Variants in KCNIP1 observed in about 807,000 individuals in gnomAD.
The protein encoded by KCNIP1 is A-type potassium channel modulatory protein KCNIP1.
In KCNIP1, 18 loss-of-function variants were observed where a neutral mutation model predicts 33.0. That is an observed-to-expected ratio of 0.55 (90% CI 0.38 to 0.81). The LOEUF (loss-of-function observed/expected upper bound fraction) is 0.81. Ranked by LOEUF, KCNIP1 falls within the 30% of genes least tolerant of loss-of-function variation. The pLI, the probability that KCNIP1 is intolerant of heterozygous loss-of-function variation, is 0.00. For missense variants in KCNIP1, 238 were observed against 271.6 expected, an observed-to-expected ratio of 0.88 and a Z score of 0.87; for synonymous variants, 93 against 98.3, an observed-to-expected ratio of 0.95 and a Z score of 0.32.
intron 1 of KCNIP1, among the ~76,000 whole-genome samples, chr5:170,603,100 A>G (rs1758762346): frequency 7.0e-6 from 1 of 143,610 alleles, no homozygotes; most frequent in East Asian, 2.4e-4. Flanking sequence ...GATCCCACCC[A>G]GGGATCCCAC....
rs75268519 is a variant in KCNIP1 at position 170,430,643 on chromosome 5, C to T, written c.88+76679C>T. On this transcript the variant is annotated intron_variant, in intron 1 of 7. Coordinates refer to the KCNIP1 transcript ENST00000377360. Reference sequence around the variant, plus strand: ...TCAAGGATGGGAACGTCCTCATTTCCCATCATTTAGGAAGTGCTTGCTAAA... The same window carrying T: ...TCAAGGATGGGAACGTCCTCATTTCTCATCATTTAGGAAGTGCTTGCTAAA... Among the ~76,000 whole-genome samples, 343 of 152,262 alleles carry T rather than the reference C, an allele frequency of 2.3e-3. 8 individuals carry two copies. In the East Asian group the frequency reaches 0.063, roughly 28 times the overall value.
chr5:170,713,358 G>T (rs771619466), intron 1 of KCNIP1, among the ~76,000 whole-genome samples: 6 of 152,144 alleles, frequency 3.9e-5, no homozygotes, highest in Admixed American at 6.6e-5. Flanking sequence ...TAGGCTATGT[G>T]GTTTGTAGGT....
chr5:170,731,445 A>G (rs187968890), intron 5 of KCNIP1, among the ~76,000 whole-genome samples: 14 of 152,276 alleles, frequency 9.2e-5, no homozygotes, highest in Admixed American at 3.3e-4. Flanking sequence ...GCTCATGCCT[A>G]TAATCCCAGC....
At chr5:170,443,478 T>G (rs1340541916) in intron 1 of KCNIP1, among the ~76,000 whole-genome samples, 1 of 152,166 alleles carries the variant, frequency 6.6e-6, no homozygotes, top group Non-Finnish European at 1.5e-5. Flanking sequence ...TGTAAAGTAG[T>G]GAGCCTCCTG....
chr5:170,557,422 C>G (rs1350304219), intron 1 of KCNIP1, among the ~76,000 whole-genome samples: 4 of 152,114 alleles, frequency 2.6e-5, no homozygotes. Context: ...TGCCTTCTTC[C>G]CCTTCCCTCC....
chr5:170,571,650 C>A (rs566988548), intron 1 of KCNIP1, among the ~76,000 whole-genome samples: 1 of 152,200 alleles, frequency 6.6e-6, no homozygotes, highest in African/African-American at 2.4e-5. Flanking sequence ...ACAGAGAGCA[C>A]GTCCATCTGA....
At chr5:170,724,349 TC>T (rs1763936280) in intron 5 of KCNIP1, among the ~76,000 whole-genome samples, 1 of 152,026 alleles carries the variant, frequency 6.6e-6, no homozygotes, top group South Asian at 2.1e-4. Context: ...CAAAACAGTC[TC>T]CCTCGTGAGC....
At position 170,467,172 on chromosome 5, in the gene KCNIP1, G is replaced by A. The variant is rs1391079711; in HGVS notation, c.88+113208G>A. ...GAAATGAAGATACCCAGTGTAGACAGCTTCTGAAAGCAGCTGGCCGTGAGT... is the reference window on the plus strand; with the variant it reads ...GAAATGAAGATACCCAGTGTAGACAACTTCTGAAAGCAGCTGGCCGTGAGT... On this transcript the variant is annotated intron_variant, in intron 1 of 7. Transcript: ENST00000377360. 2.0e-5 allele frequency among the ~76,000 whole-genome samples: 3 copies of A among 152,176 alleles called. No homozygotes were observed. The East Asian group carries it at 5.8e-4, about 29-fold the overall frequency.
At chr5:170,665,581 G>C (rs1166663995) in intron 1 of KCNIP1, among the ~76,000 whole-genome samples, 1 of 152,192 alleles carries the variant, frequency 6.6e-6, no homozygotes, top group South Asian at 2.1e-4. Flanking sequence ...TAACAGCTTA[G>C]GTTAACACTG....
intron 1 of KCNIP1, among the ~76,000 whole-genome samples, chr5:170,560,234 C>T (rs771717591): frequency 6.6e-6 from 1 of 152,132 alleles, no homozygotes; most frequent in Non-Finnish European, 1.5e-5. Context: ...GCAGAAAGCA[C>T]ACGAGAGCAT....
At chr5:170,653,685 C>G (rs1202420860) in intron 1 of KCNIP1, among the ~76,000 whole-genome samples, 3 of 151,704 alleles carry the variant, frequency 2.0e-5, no homozygotes, top group Non-Finnish European at 4.4e-5. Flanking sequence ...GTCTCCTTCT[C>G]TCTCTCTCTC....
chr5:170,390,502 CAA>C (rs1296285736), intron 1 of KCNIP1, among the ~76,000 whole-genome samples: 6 of 35,784 alleles, frequency 1.7e-4, no homozygotes, highest in Non-Finnish European at 2.5e-4. Context: ...GACCCCGTCT[CAA>C]AAAAAAAAAA....
At chr5:170,693,615 C>A (rs1233348922) in intron 1 of KCNIP1, among the ~76,000 whole-genome samples, 2 of 152,190 alleles carry the variant, frequency 1.3e-5, no homozygotes, top group Admixed American at 6.5e-5. Context: ...GAATCAAACA[C>A]CTGAGCACGG....
chr5:170,510,559 C>G (rs1443160662), intron 1 of KCNIP1, among the ~76,000 whole-genome samples: 1 of 152,126 alleles, frequency 6.6e-6, no homozygotes, highest in Non-Finnish European at 1.5e-5. Flanking sequence ...GAGAGAGAGC[C>G]TAAGAGTCCT....
intron 1 of KCNIP1, among the ~76,000 whole-genome samples, chr5:170,388,943 C>T (rs1309642661): frequency 6.6e-6 from 1 of 152,212 alleles, no homozygotes; most frequent in Non-Finnish European, 1.5e-5. Flanking sequence ...CTTGATGAAT[C>T]TATTTTTGTC....
chr5:170,443,783 C>G (rs1756046504), intron 1 of KCNIP1, among the ~76,000 whole-genome samples: 1 of 152,206 alleles, frequency 6.6e-6, no homozygotes, highest in Non-Finnish European at 1.5e-5. Flanking sequence ...AATGAAGCAG[C>G]TGCTTGCAGG....
chr5:170,719,119 G>T (rs1321889181), intron 2 of KCNIP1, among the ~76,000 whole-genome samples: 1 of 152,054 alleles, frequency 6.6e-6, no homozygotes, highest in Non-Finnish European at 1.5e-5. Context: ...TCACAGGGTG[G>T]CACATCCTCA....
intron 1 of KCNIP1, among the ~76,000 whole-genome samples, chr5:170,512,831 T>C (rs1401847582): frequency 6.6e-6 from 1 of 152,014 alleles, no homozygotes; most frequent in Non-Finnish European, 1.5e-5. Flanking sequence ...TGGCGGATCA[T>C]GAGGTCAGGA....
intron 1 of KCNIP1, among the ~76,000 whole-genome samples, chr5:170,643,724 C>T (rs933214283): frequency 2.0e-5 from 3 of 152,358 alleles, no homozygotes; most frequent in Middle Eastern, 3.4e-3. Context: ...CTTCGCCCTC[C>T]ATCCCCACAG....
Sources: allele counts gnomAD v4.1 joint callset (sites outside exome capture counted in the v4.1 genomes callset), GRCh38; gene constraint gnomAD v4.1.1; transcripts MANE v1.5; gene names NCBI Gene and HGNC (gene_info 2026-07-23, HGNC 2026-07-21).